Variants in ADARB2 observed in about 807,000 individuals in gnomAD.
The protein encoded by ADARB2 is inactive double-stranded RNA-specific editase B2.
In ADARB2, 25 loss-of-function variants were observed where a neutral mutation model predicts 62.2. That is an observed-to-expected ratio of 0.40 (90% confidence interval 0.29 to 0.56). The LOEUF (loss-of-function observed/expected upper bound fraction) is 0.56. Ranked by LOEUF, ADARB2 falls within the 20% of genes least tolerant of loss-of-function variation. ADARB2 has a pLI of 0.43. For synonymous variants in ADARB2, 572 were observed against 500.8 expected, an observed-to-expected ratio of 1.14 and a Z score of -1.90; for missense variants, 1,071 against 1,077.4, an observed-to-expected ratio of 0.99 and a Z score of 0.08.
At chr10:1,719,031 G>T (rs895369297) in intron 1 of ADARB2, among the ~76,000 whole-genome samples, 2 of 151,990 alleles carry the variant, frequency 1.3e-5, no homozygotes, top group African/African-American at 4.8e-5. Context: ...CGTGATGTCA[G>T]CTCGCTGCAA....
At chr10:1,580,598 T>C (rs1030692736) in intron 1 of ADARB2, among the ~76,000 whole-genome samples, 2 of 151,594 alleles carry the variant, frequency 1.3e-5, no homozygotes, top group African/African-American at 4.8e-5. Flanking sequence ...TCCCCACAAA[T>C]GCACAACCAC....
intron 1 of ADARB2, among the ~76,000 whole-genome samples, chr10:1,510,096 TTTTCTTTCTTTCTCTCTTTC>T (rs1831906917): frequency 4.0e-5 from 5 of 124,760 alleles, no homozygotes; most frequent in African/African-American, 5.9e-5. Context: ...TCTCTCTCTC[TTTTCTTTCTTTCTCTCTTTC>T]TTTCTTTCTT....
At chr10:1,685,873 TG>T (rs1252502146) in intron 1 of ADARB2, among the ~76,000 whole-genome samples, 1 of 152,056 alleles carries the variant, frequency 6.6e-6, no homozygotes, top group African/African-American at 2.4e-5. Context: ...AGCCCTCCAG[TG>T]GGGGAGGCTG....
At chr10:1,415,562 A>G (rs2131881877) in intron 1 of ADARB2, among the ~76,000 whole-genome samples, 1 of 152,278 alleles carries the variant, frequency 6.6e-6, no homozygotes, top group Middle Eastern at 3.4e-3. Context: ...CTCTCTAATT[A>G]AGACTTCAAT....
At chr10:1,612,032 T>TG (rs1221018770) in intron 1 of ADARB2, among the ~76,000 whole-genome samples, 2 of 151,926 alleles carry the variant, frequency 1.3e-5, no homozygotes, top group Non-Finnish European at 2.9e-5. Context: ...CTCCCAGCGC[T>TG]GGGGGGCACG....
chr10:1,555,138 C>T (rs919377916), intron 1 of ADARB2, among the ~76,000 whole-genome samples: 2 of 152,156 alleles, frequency 1.3e-5, no homozygotes, highest in Non-Finnish European at 2.9e-5. Context: ...TCATGGACAC[C>T]TAGGCTGATT....
At chr10:1,318,748 G>A (rs1156340390) in intron 3 of ADARB2, among the ~76,000 whole-genome samples, 1 of 152,132 alleles carries the variant, frequency 6.6e-6, no homozygotes. Context: ...GGAATATCGG[G>A]GAGTGTGGGA....
At chr10:1,579,583 A>C (rs1271659787) in intron 1 of ADARB2, among the ~76,000 whole-genome samples, 1 of 152,226 alleles carries the variant, frequency 6.6e-6, no homozygotes, top group Non-Finnish European at 1.5e-5. Flanking sequence ...CCAGTGAGGC[A>C]GCATGTCACA....
At chr10:1,725,308 G>A (rs1835149612) in intron 1 of ADARB2, among the ~76,000 whole-genome samples, 1 of 152,226 alleles carries the variant, frequency 6.6e-6, no homozygotes, top group Non-Finnish European at 1.5e-5. Flanking sequence ...CATGGCTGTG[G>A]CACACACGCG....
intron 4 of ADARB2, among the ~76,000 whole-genome samples, chr10:1,267,287 C>T (rs943016897): frequency 1.3e-5 from 2 of 152,092 alleles, no homozygotes; most frequent in African/African-American, 4.8e-5. Context: ...GCTTAGAATT[C>T]CCCCCTGGGA....
At position 1,567,830 on chromosome 10, in the gene ADARB2, T is replaced by G. The variant is rs544577636; in HGVS notation, c.100+169221A>C. Among the ~76,000 whole-genome samples, 93 of 152,320 alleles carry G rather than the reference T, an allele frequency of 6.1e-4. 2 individuals are homozygous for G. The South Asian group carries it at 0.018, about 30-fold the overall frequency. On this transcript the variant is annotated intron_variant, in intron 1 of 9. Transcript: ENST00000381312. ...GTTGAAGGAATGGGAAACTGAGGAA[T>G]GGATGGTTATGTGCCTCACTCGAGG...
intron 1 of ADARB2, among the ~76,000 whole-genome samples, chr10:1,514,524 G>GC (rs1014800989): frequency 6.6e-6 from 1 of 152,048 alleles, no homozygotes; most frequent in Non-Finnish European, 1.5e-5. Flanking sequence ...GTTTCTGGCT[G>GC]CCCCCACACA....
At chr10:1,521,818 T>G (rs1215684583) in intron 1 of ADARB2, among the ~76,000 whole-genome samples, 2 of 150,842 alleles carry the variant, frequency 1.3e-5, no homozygotes, top group Non-Finnish European at 3.0e-5. Flanking sequence ...CTTCAAGTTT[T>G]TCCACCTTTC....
intron 1 of ADARB2, among the ~76,000 whole-genome samples, chr10:1,593,420 C>T (rs1356134474): frequency 6.6e-6 from 1 of 152,264 alleles, no homozygotes; most frequent in Non-Finnish European, 1.5e-5. Flanking sequence ...CATAGGTCGC[C>T]TCTCTGGTCC....
At chr10:1,432,029 T>C (rs1161468252) in intron 1 of ADARB2, among the ~76,000 whole-genome samples, 1 of 152,222 alleles carries the variant, frequency 6.6e-6, no homozygotes, top group Non-Finnish European at 1.5e-5. Flanking sequence ...TCTGCTTTAG[T>C]TCCTGTTCTT....
intron 1 of ADARB2, among the ~76,000 whole-genome samples, chr10:1,383,754 G>A (rs1435943971): frequency 1.3e-5 from 2 of 152,230 alleles, no homozygotes; most frequent in African/African-American, 4.8e-5. Flanking sequence ...GTTAGCGGAT[G>A]TGCCCAGGAC....
chr10:1,695,731 T>C (rs1834732449), intron 1 of ADARB2, among the ~76,000 whole-genome samples: 1 of 152,158 alleles, frequency 6.6e-6, no homozygotes, highest in African/African-American at 2.4e-5. Context: ...TGTGAGACCA[T>C]GCATGTGTAT....
At chr10:1,381,173 TACAC>T (rs57463053) in intron 1 of ADARB2, among the ~76,000 whole-genome samples, 138 of 151,372 alleles carry the variant, frequency 9.1e-4, no homozygotes, top group African/African-American at 1.2e-3. Flanking sequence ...TTTGTGCATA[TACAC>T]ACACACACAC....
At chr10:1,647,124 G>A (rs1019788977) in intron 1 of ADARB2, among the ~76,000 whole-genome samples, 5 of 152,230 alleles carry the variant, frequency 3.3e-5, no homozygotes, top group African/African-American at 1.2e-4. Context: ...TTAAAAAGAT[G>A]CATTACTGCA....
Sources: gnomAD v4.1 joint callset for allele counts (sites outside exome capture counted in the v4.1 genomes callset) on GRCh38, gnomAD v4.1.1 for gene constraint, MANE v1.5 for transcripts, NCBI Gene and HGNC (gene_info 2026-07-23, HGNC 2026-07-21) for gene names.